The following SAMMSON variants were observed in gnomAD, a reference collection of about 807,000 sequenced individuals.
The protein encoded by SAMMSON is long intergenic non-protein coding RNA 1212.
At chr3:70,231,348 T>C (rs2106744716) in intron 4 of SAMMSON, among the ~76,000 whole-genome samples, 1 of 152,294 alleles carries the variant, frequency 6.6e-6, no homozygotes. Context: ...GCCCGCCATC[T>C]CTCTCTGGGA....
chr3:70,118,752 C>T (rs961208814), intron 4 of SAMMSON, among the ~76,000 whole-genome samples: 1 of 152,138 alleles, frequency 6.6e-6, no homozygotes, highest in African/African-American at 2.4e-5. Flanking sequence ...CTCAGTTAAA[C>T]AACCTTTGTG....
chr3:70,223,105 C>T (rs1203834870), intron 4 of SAMMSON, among the ~76,000 whole-genome samples: 1 of 152,042 alleles, frequency 6.6e-6, no homozygotes, highest in Non-Finnish European at 1.5e-5. Flanking sequence ...TATGGCCAAC[C>T]CTCTGACACC....
chr3:70,382,289 T>C lies in SAMMSON; in HGVS notation n.914-7285T>C, dbSNP rs186944498. Among the ~76,000 whole-genome samples, 79 of 152,290 alleles carry C rather than the reference T, an allele frequency of 5.2e-4. 1 individual carries two copies. The highest frequency in any genetic ancestry group is 3.9e-3 in the Admixed American group (60 of 15,266). The stretch of plus-strand genomic sequence containing the variant: ...TTCTCTTTGGCGTGTCGTCTCTTAA[T>C]TCTTAACAGTATCTTTTGAGATGCT... On this transcript the variant is annotated intron_variant and non_coding_transcript_variant, in intron 9 of 9. Transcript: ENST00000642114.
chr3:70,390,409 G>T (rs1008524747), downstream of SAMMSON, among the ~76,000 whole-genome samples: 14 of 152,218 alleles, frequency 9.2e-5, no homozygotes, highest in Middle Eastern at 3.4e-3. Context: ...GATAATTTAT[G>T]AAAAGAGAGG....
chr3:70,324,358 T>C (rs1337098009), intron 7 of SAMMSON, among the ~76,000 whole-genome samples: 3 of 152,030 alleles, frequency 2.0e-5, no homozygotes, highest in Non-Finnish European at 2.9e-5. Context: ...GCCCTGAAGG[T>C]CTGTATTACC....
chr3:70,090,682 A>T (rs1050531530), intron 4 of SAMMSON, among the ~76,000 whole-genome samples: 2 of 152,048 alleles, frequency 1.3e-5, no homozygotes, highest in Non-Finnish European at 2.9e-5. Flanking sequence ...TAATAGTCAC[A>T]TACCCTAGGG....
chr3:70,163,943 G>A (rs2067626523), intron 4 of SAMMSON, among the ~76,000 whole-genome samples: 1 of 152,012 alleles, frequency 6.6e-6, no homozygotes, highest in Admixed American at 6.6e-5. Context: ...GCCTTGTATA[G>A]TTTAGCCATG....
In SAMMSON at chr3:70,421,725, A is replaced by G. The variant is rs557639604; in HGVS notation, n.234-40835A>G. ...GCCTCCTGATAGAATATTGAAAATT[A>G]TCTTCATCAGTGGGTTAATTGGCTT... is the stretch of plus-strand genomic sequence containing the variant. On this transcript the variant is annotated intron_variant and non_coding_transcript_variant, in intron 2 of 3. Coordinates refer to the SAMMSON transcript ENST00000641053. 2.7e-4 allele frequency among the ~76,000 whole-genome samples: 41 copies of G among 152,256 alleles called. 1 individual carries two copies. The South Asian group carries it at 8.3e-3, about 31-fold the overall frequency.
chr3:70,372,974 A>G lies in SAMMSON; in HGVS notation n.913+14650A>G, dbSNP rs184084574. ...ATTGTTTTAAAATCTTCCTATTCCT[A>G]CATTTAAAACTTCATTAAACAATGT... is the stretch of plus-strand genomic sequence containing the variant. On this transcript the variant is annotated intron_variant and non_coding_transcript_variant, in intron 9 of 9. Transcript: ENST00000642114. Among the ~76,000 whole-genome samples, 282 of 152,250 alleles carry G rather than the reference A, an allele frequency of 1.9e-3. 1 individual carries two copies. Among genetic ancestry groups the G allele is most frequent in the African/African-American group, 6.4e-3 (268 of 41,554 alleles).
rs1701388511 is a variant in SAMMSON, at chr3:70,428,361, G to A, written n.234-34199G>A. 2.0e-5 allele frequency among the ~76,000 whole-genome samples: 3 copies of A among 152,158 alleles called. No homozygotes were observed. In the South Asian group the frequency reaches 6.2e-4, roughly 31 times the overall value. Reference sequence around the variant, plus strand: ...GATTTCAAGAATCAATAATCAAAATGTTATAGAATTGGCTTCAAGATAGAC... The same window carrying A: ...GATTTCAAGAATCAATAATCAAAATATTATAGAATTGGCTTCAAGATAGAC... On this transcript the variant is annotated intron_variant and non_coding_transcript_variant, in intron 2 of 3. Transcript: ENST00000641053.
At chr3:70,306,834 A>G (rs933719464) in intron 7 of SAMMSON, among the ~76,000 whole-genome samples, 1 of 152,160 alleles carries the variant, frequency 6.6e-6, no homozygotes, top group African/African-American at 2.4e-5. Context: ...CAATACTCTT[A>G]GCTTCACATT....
At chr3:70,251,133 G>A (rs1305969061) in intron 6 of SAMMSON, among the ~76,000 whole-genome samples, 3 of 152,136 alleles carry the variant, frequency 2.0e-5, no homozygotes, top group Non-Finnish European at 4.4e-5. Context: ...GTGGTTAATT[G>A]TAATTCCATT....
chr3:70,067,033 G>A (rs2067212291), intron 3 of SAMMSON, among the ~76,000 whole-genome samples: 1 of 151,948 alleles, frequency 6.6e-6, no homozygotes, highest in Non-Finnish European at 1.5e-5. Flanking sequence ...TATATATTCA[G>A]GAAAACACTT....
intron 9 of SAMMSON, among the ~76,000 whole-genome samples, chr3:70,363,038 G>C (rs1206113918): frequency 6.6e-6 from 1 of 151,900 alleles, no homozygotes. Flanking sequence ...CTAACAGATA[G>C]ACCATAGTAA....
intron 3 of SAMMSON, among the ~76,000 whole-genome samples, chr3:70,027,089 T>C (rs766231092): frequency 1.1e-4 from 16 of 152,164 alleles, no homozygotes; most frequent in Admixed American, 3.3e-4. Flanking sequence ...CTGTTCATGA[T>C]TCAGAACGTT....
chr3:70,100,867 C>A (rs2067342826), intron 4 of SAMMSON, among the ~76,000 whole-genome samples: 1 of 152,176 alleles, frequency 6.6e-6, no homozygotes, highest in African/African-American at 2.4e-5. Context: ...ATTTGCCCAA[C>A]ATAATTTATC....
chr3:70,375,424 G>T (rs533332248), intron 9 of SAMMSON, among the ~76,000 whole-genome samples: 7 of 147,520 alleles, frequency 4.7e-5, no homozygotes, highest in Middle Eastern at 3.2e-3. Context: ...TTTGCCACAA[G>T]TGTTGGTGTC....
intron 1 of SAMMSON, among the ~76,000 whole-genome samples, chr3:70,001,886 G>C (rs1383346456): frequency 6.6e-6 from 1 of 152,176 alleles, no homozygotes. Flanking sequence ...GCCGATTCCT[G>C]TTCTGCTCTC....
At position 70,232,782 on chromosome 3, in the gene SAMMSON, A is replaced by C. The variant is rs147576688; in HGVS notation, n.508-16325A>C. The stretch of plus-strand genomic sequence containing the variant: ...AATATTTATTCCATCACAGGGACTG[A>C]CTTCTTACTGGGTTGGAGATTTTCT... On this transcript the variant is annotated intron_variant and non_coding_transcript_variant, in intron 4 of 9. Coordinates refer to ENST00000642114, the Ensembl canonical transcript of SAMMSON. 1.2e-3 allele frequency among the ~76,000 whole-genome samples: 188 copies of C among 152,230 alleles called. 3 individuals carry two copies. In the East Asian group the frequency reaches 0.028, roughly 23 times the overall value.
Sources: allele counts gnomAD v4.1 joint callset (sites outside exome capture counted in the v4.1 genomes callset), GRCh38; gene constraint gnomAD v4.1.1; transcripts MANE v1.5; gene names NCBI Gene and HGNC (gene_info 2026-07-23, HGNC 2026-07-21).